HECW2: variants seen among roughly 807,000 people sequenced by gnomAD.
HECW2 encodes E3 ubiquitin-protein ligase HECW2.
Under a neutral mutation model 175.2 loss-of-function variants are expected in HECW2, and 61 were observed. That is an observed-to-expected ratio of 0.35 (90% CI 0.28 to 0.43). The LOEUF (loss-of-function observed/expected upper bound fraction) is 0.43, where lower values mean the gene tolerates loss of function less well. Among genes scored for constraint, HECW2 ranks in the 20% least tolerant of loss-of-function variants. The pLI, the probability that HECW2 is intolerant of heterozygous loss-of-function variation, is 1.00. For missense variants in HECW2, 1,524 were observed against 2,000.5 expected (o/e 0.76, Z 4.54); for synonymous variants, 671 against 731.0 (o/e 0.92, Z 1.32).
At chr2:196,281,003 T>C (rs910300000) in intron 14 of HECW2, among the ~76,000 whole-genome samples, 18 of 152,180 alleles carry the variant, frequency 1.2e-4, no homozygotes, top group Non-Finnish European at 2.1e-4. Context: ...TTACCTAATT[T>C]CTTAGGAATG....
In HECW2 at chr2:196,486,983, T is replaced by A. The variant is rs192761339; in HGVS notation, c.-35-53525A>T. On this transcript the variant is annotated intron_variant, in intron 1 of 28. Transcript: ENST00000644978. The stretch of plus-strand genomic sequence containing the variant: ...ACGCTGTCACTACAAAAAACTTTTT[T>A]AAAAATTAGCCAGGCATGAGCCAGG... 2.2e-3 allele frequency among the ~76,000 whole-genome samples: 327 copies of A among 151,868 alleles called. 2 individuals are homozygous for A. The highest frequency in any genetic ancestry group is 7.3e-3 in the African/African-American group (304 of 41,408).
At chr2:196,569,068 C>T (rs576997488) in intron 1 of HECW2, among the ~76,000 whole-genome samples, 5 of 152,212 alleles carry the variant, frequency 3.3e-5, no homozygotes, top group Admixed American at 2.6e-4. Context: ...CTGGGAAAGG[C>T]GGCTCATGCC....
At chr2:196,390,979 C>A (rs61145658) in intron 2 of HECW2, among the ~76,000 whole-genome samples, 1 of 152,198 alleles carries the variant, frequency 6.6e-6, no homozygotes, top group African/African-American at 2.4e-5. Flanking sequence ...CATGTGCCTC[C>A]CTCCCTCCCC....
chr2:196,491,369 TACACACACACACACAC>T (rs67409257), intron 1 of HECW2, among the ~76,000 whole-genome samples: 10 of 130,670 alleles, frequency 7.7e-5, no homozygotes, highest in Non-Finnish European at 9.6e-5. Flanking sequence ...CATATATATA[TACACACACACACACAC>T]ACACACACAC....
intron 1 of HECW2, among the ~76,000 whole-genome samples, chr2:196,485,881 A>C (rs1335223300): frequency 6.6e-6 from 1 of 152,224 alleles, no homozygotes; most frequent in East Asian, 1.9e-4. Context: ...ATGGAGACCC[A>C]GGCATGGTAC....
intron 13 of HECW2, among the ~76,000 whole-genome samples, chr2:196,299,508 G>A (rs566285689): frequency 1.3e-5 from 2 of 152,088 alleles, no homozygotes; most frequent in African/African-American, 4.8e-5. Context: ...CACTTAAGGG[G>A]CCTAAAACAA....
chr2:196,415,230 C>G (rs1011304378), intron 2 of HECW2, among the ~76,000 whole-genome samples: 1 of 152,168 alleles, frequency 6.6e-6, no homozygotes, highest in Non-Finnish European at 1.5e-5. Flanking sequence ...AAGCAGGGTA[C>G]TTATATTCCT....
chr2:196,319,883 C>A lies in HECW2; in HGVS notation c.1007G>T (p.Gly336Val). Reference sequence around the variant, plus strand: ...CACAGAATTGACTCCAAGTATTGTGCCAACAGCTTCTGGAGAGGCATCTGA... The same window carrying A: ...CACAGAATTGACTCCAAGTATTGTGACAACAGCTTCTGGAGAGGCATCTGA... ...VHEDASPEAV[G>V]TILGVNSVNG... Residue 336 changes from glycine (G) to valine (V), a missense_variant, in exon 9 of 29, where the codon GGC becomes GTC. This residue lies in a region of HECW2 where 604 missense variants were observed against 588.3 expected (regional missense o/e 1.03). Transcript: ENST00000644978. 1 of 1,604,658 alleles carries A rather than the reference C, an allele frequency of 6.2e-7. No homozygotes were observed. The highest frequency in any genetic ancestry group is 8.5e-7 in the Non-Finnish European group (1 of 1,173,022).
At chr2:196,477,938 G>T (rs892435637) in intron 1 of HECW2, among the ~76,000 whole-genome samples, 3 of 152,180 alleles carry the variant, frequency 2.0e-5, no homozygotes, top group African/African-American at 7.2e-5. Flanking sequence ...TGTAATTCCA[G>T]CTACTAGGGG....
In HECW2 at chr2:196,544,301, T is replaced by G. The variant is rs114813393; in HGVS notation, c.-36+49207A>C. ...CCCAACTCAAGCTGGCTTCCCTCCC[T>G]CAGCCTCATGAGCCCCTGAAAGGCA... On this transcript the variant is annotated intron_variant, in intron 1 of 28. Transcript: ENST00000644978. 6.8e-3 allele frequency among the ~76,000 whole-genome samples: 1,041 copies of G among 152,214 alleles called. 17 individuals carry two copies. Among genetic ancestry groups the G allele is most frequent in the African/African-American group, 0.024 (999 of 41,534 alleles).
At chr2:196,422,380 T>C (rs1298864687) in intron 2 of HECW2, among the ~76,000 whole-genome samples, 1 of 152,132 alleles carries the variant, frequency 6.6e-6, no homozygotes, top group Non-Finnish European at 1.5e-5. Context: ...ATGTGTGGCT[T>C]TGGTGTCTAA....
intron 1 of HECW2, among the ~76,000 whole-genome samples, chr2:196,537,539 G>A (rs756552411): frequency 2.6e-5 from 4 of 152,038 alleles, no homozygotes; most frequent in South Asian, 2.1e-4. Flanking sequence ...GAACCAGGAC[G>A]GACAACAGGA....
chr2:196,492,553 T>A (rs1167563371), intron 1 of HECW2, among the ~76,000 whole-genome samples: 1 of 152,218 alleles, frequency 6.6e-6, no homozygotes, highest in Admixed American at 6.5e-5. Flanking sequence ...TCCTGCAAAT[T>A]CATCCTCAGT....
intron 28 of HECW2, among the ~76,000 whole-genome samples, chr2:196,204,523 T>C (rs1686997226): frequency 2.0e-5 from 3 of 152,182 alleles, no homozygotes; most frequent in Admixed American, 2.0e-4. Flanking sequence ...CCAAGGGAAC[T>C]TGGAAGCAGA....
At chr2:196,433,519 T>C (rs1423358337) in intron 1 of HECW2, 61 bp from the exon 2 acceptor site, 1 of 1,260,858 alleles carries the variant, frequency 7.9e-7, no homozygotes, top group Non-Finnish European at 1.1e-6. Context: ...AGATTTAAGC[T>C]TTCCAGACAT....
In HECW2 at chr2:196,446,491, T is replaced by C. The variant is rs147861361; in HGVS notation, c.-35-13033A>G. Among the ~76,000 whole-genome samples, 654 of 152,300 alleles carry C rather than the reference T, an allele frequency of 4.3e-3. 2 individuals are homozygous for C. Among genetic ancestry groups the C allele is most frequent in the Middle Eastern group, 0.014 (4 of 294 alleles). ...TCAGAAATGACAGACAGACATCACC[T>C]CTAAGTTGGCAGCTGGACCTACATG... is the stretch of plus-strand genomic sequence containing the variant. On this transcript the variant is annotated intron_variant, in intron 1 of 28. Coordinates refer to ENST00000644978, the MANE Select transcript of HECW2 (RefSeq NM_001348768.2).
chr2:196,464,060 A>C (rs533077149), intron 1 of HECW2, among the ~76,000 whole-genome samples: 1 of 151,418 alleles, frequency 6.6e-6, no homozygotes, highest in African/African-American at 2.4e-5. Context: ...AAATGGTTTA[A>C]CCAATACTTC....
chr2:196,323,131 A>G (rs1047722690), intron 6 of HECW2, among the ~76,000 whole-genome samples: 2 of 152,198 alleles, frequency 1.3e-5, no homozygotes, highest in Non-Finnish European at 2.9e-5. Flanking sequence ...TTCCCTGATA[A>G]ATGTTAAAAG....
intron 3 of HECW2, among the ~76,000 whole-genome samples, chr2:196,340,073 C>A (rs1385714693): frequency 6.6e-6 from 1 of 152,018 alleles, no homozygotes; most frequent in Admixed American, 6.5e-5. Flanking sequence ...ATTTTTAAAC[C>A]TTTGTTTGGA....
Sources: allele counts gnomAD v4.1 joint callset (sites outside exome capture counted in the v4.1 genomes callset), GRCh38; gene constraint gnomAD v4.1.1; regional missense constraint gnomAD v4.1.1; transcripts MANE v1.5; gene names NCBI Gene and HGNC (gene_info 2026-07-23, HGNC 2026-07-21).